CCDC171: variants seen among roughly 807,000 people sequenced by gnomAD.
CCDC171 encodes the protein coiled-coil domain-containing protein 171.
In CCDC171, 177 loss-of-function variants were observed where a neutral mutation model predicts 168.2. The observed-to-expected ratio is 1.05, with a 90% CI of 0.93 to 1.19. The LOEUF (loss-of-function observed/expected upper bound fraction) is 1.19. CCDC171 is among the 50% of genes most tolerant of loss of function. CCDC171 has a pLI of 0.00. For missense variants in CCDC171, 1,991 were observed against 1,539.0 expected (o/e 1.29, Z -4.91); for synonymous variants, 687 against 540.8 (o/e 1.27, Z -3.75).
At chr9:15,845,352 C>T (rs1001049649) in intron 21 of CCDC171, among the ~76,000 whole-genome samples, 1 of 151,940 alleles carries the variant, frequency 6.6e-6, no homozygotes, top group African/African-American at 2.4e-5. Flanking sequence ...CATAAGTAGT[C>T]ATAGTTTGTT....
upstream of CCDC171, among the ~76,000 whole-genome samples, chr9:16,040,296 A>C (rs114064716): frequency 2.8e-3 from 431 of 152,028 alleles, 6 homozygotes; most frequent in African/African-American, 0.01. Flanking sequence ...TCTCCCTCCC[A>C]CACCTCCCCA....
intron 23 of CCDC171, among the ~76,000 whole-genome samples, chr9:15,851,801 T>C (rs556420671): frequency 6.6e-6 from 1 of 152,080 alleles, no homozygotes; most frequent in East Asian, 1.9e-4. Context: ...TTTTCTGTTC[T>C]GGACATTTAA....
intron 7 of CCDC171, among the ~76,000 whole-genome samples, chr9:15,643,334 G>A (rs918104560): frequency 6.6e-6 from 1 of 152,058 alleles, no homozygotes; most frequent in African/African-American, 2.4e-5. Context: ...GAAAAAATTA[G>A]CATTGGGCCC....
At chr9:15,887,270 G>A (rs967918502) in intron 24 of CCDC171, among the ~76,000 whole-genome samples, 3 of 152,024 alleles carry the variant, frequency 2.0e-5, no homozygotes, top group African/African-American at 7.2e-5. Context: ...TATTTCATTT[G>A]AGTTTGCATA....
the CCDC171 span, among the ~76,000 whole-genome samples, chr9:16,097,252 T>C: frequency 1.3e-5 from 2 of 152,208 alleles, no homozygotes; most frequent in Admixed American, 6.5e-5. Context: ...GTGGGGAAAT[T>C]GGTTCCCACT....
At position 15,678,910 on chromosome 9, in the gene CCDC171, A is replaced by T. The variant is rs920370987; in HGVS notation, c.1215+14A>T. On this transcript the variant is annotated intron_variant, in intron 10 of 25. Coordinates refer to ENST00000380701, the MANE Select transcript of CCDC171 (RefSeq NM_173550.4). The stretch of plus-strand genomic sequence containing the variant: ...GAACTAGTAATGGTAAGGATAAAAA[A>T]GAAAACCCTATGGAAATCACTTTAT... 1 of 1,563,380 alleles carries T rather than the reference A, an allele frequency of 6.4e-7. No homozygotes were observed.
At chr9:15,644,823 A>G (rs1215076629) in intron 7 of CCDC171, among the ~76,000 whole-genome samples, 6 of 152,230 alleles carry the variant, frequency 3.9e-5, no homozygotes, top group Non-Finnish European at 7.4e-5. Context: ...GGGGCAGGGC[A>G]TAGCCAAACA....
At chr9:16,019,789 G>C (rs548875740) in intron 3 of CCDC171, among the ~76,000 whole-genome samples, 1 of 152,112 alleles carries the variant, frequency 6.6e-6, no homozygotes, top group Non-Finnish European at 1.5e-5. Context: ...CATTACAAGT[G>C]TGTGAATTCA....
At chr9:15,660,202 T>C (rs1425480846) in intron 8 of CCDC171, among the ~76,000 whole-genome samples, 2 of 152,250 alleles carry the variant, frequency 1.3e-5, no homozygotes, top group Non-Finnish European at 2.9e-5. Flanking sequence ...TATTTGAGCA[T>C]GTCTGTTTGT....
chr9:15,844,555 TA>T (rs2060817194), intron 21 of CCDC171, among the ~76,000 whole-genome samples: 1 of 152,090 alleles, frequency 6.6e-6, no homozygotes, highest in African/African-American at 2.4e-5. Context: ...CTATAAGTTA[TA>T]AAACTGTGAT....
chr9:16,012,039 A>G (rs1213412342), intron 3 of CCDC171, among the ~76,000 whole-genome samples: 4 of 152,210 alleles, frequency 2.6e-5, no homozygotes, highest in South Asian at 4.1e-4. Flanking sequence ...CTCTGATAGC[A>G]TCAGATCCCC....
chr9:15,715,547 T>TA (rs2053016647), intron 11 of CCDC171, among the ~76,000 whole-genome samples: 1 of 152,164 alleles, frequency 6.6e-6, no homozygotes. Context: ...TACTACAAGA[T>TA]AAAAAATCAA....
At chr9:16,016,560 G>A (rs941892703) in intron 3 of CCDC171, among the ~76,000 whole-genome samples, 1 of 152,106 alleles carries the variant, frequency 6.6e-6, no homozygotes, top group Non-Finnish European at 1.5e-5. Context: ...TTGGTACACG[G>A]ATGAGGTCGG....
At chr9:15,791,505 T>C (rs1339197949) in intron 21 of CCDC171, among the ~76,000 whole-genome samples, 1 of 152,216 alleles carries the variant, frequency 6.6e-6, no homozygotes, top group Non-Finnish European at 1.5e-5. Context: ...GCTGAGGTGA[T>C]GTGGTTTTCT....
chr9:16,094,579 A>C, the CCDC171 span, among the ~76,000 whole-genome samples: 4,622 of 152,284 alleles, frequency 0.03, 212 homozygotes, highest in African/African-American at 0.1. Flanking sequence ...AGGGCTTTGT[A>C]GGAAAAGAAG....
chr9:15,756,553 G>A (rs1281288004), intron 18 of CCDC171, among the ~76,000 whole-genome samples: 1 of 152,138 alleles, frequency 6.6e-6, no homozygotes, highest in African/African-American at 2.4e-5. Flanking sequence ...CCCTACTCTA[G>A]TAGTCCCCAG....
intron 3 of CCDC171, among the ~76,000 whole-genome samples, chr9:15,576,707 C>T (rs572340701): frequency 1.3e-5 from 2 of 152,286 alleles, no homozygotes; most frequent in South Asian, 2.1e-4. Context: ...AACTTAGAGA[C>T]GATATCCACG....
chr9:15,557,830 A>G (rs1346937307), intron 1 of CCDC171, among the ~76,000 whole-genome samples: 1 of 152,000 alleles, frequency 6.6e-6, no homozygotes, highest in Non-Finnish European at 1.5e-5. Context: ...TTCAAAGGGA[A>G]TGTTTCCAGT....
At chr9:16,012,154 G>T (rs1832886544) in intron 3 of CCDC171, among the ~76,000 whole-genome samples, 1 of 152,186 alleles carries the variant, frequency 6.6e-6, no homozygotes, top group South Asian at 2.1e-4. Flanking sequence ...GCTGCCCAAG[G>T]AGGGTTCTTT....
Sources: allele counts gnomAD v4.1 joint callset (sites outside exome capture counted in the v4.1 genomes callset), GRCh38; gene constraint gnomAD v4.1.1; transcripts MANE v1.5; gene names NCBI Gene and HGNC (gene_info 2026-07-23, HGNC 2026-07-21).